Variants in CYP11A1 observed in about 807,000 individuals in gnomAD.
The protein encoded by CYP11A1 is cholesterol side-chain cleavage enzyme, mitochondrial.
In CYP11A1, 25 loss-of-function variants were observed where a neutral mutation model predicts 51.9. The observed-to-expected ratio is 0.48, with a 90% confidence interval of 0.35 to 0.67. The LOEUF is 0.67. Among genes scored for constraint, CYP11A1 ranks in the 30% least tolerant of loss-of-function variants. The pLI is 0.00. For synonymous variants in CYP11A1, 245 were observed against 262.1 expected (o/e 0.93, Z 0.63); for missense variants, 578 against 680.9 (o/e 0.85, Z 1.68).
chr15:74,346,851 A>C (rs1247480134), intron 2 of CYP11A1, among the ~76,000 whole-genome samples: 14 of 143,362 alleles, frequency 9.8e-5, no homozygotes, highest in Non-Finnish European at 1.5e-5. Flanking sequence ...CCCAGCCTGG[A>C]GTGCAGTGGT....
In CYP11A1 at chr15:74,348,040, G is replaced by C; in HGVS notation, c.285C>G (p.Asn95Lys). The change falls in exon 2 of 9, where the codon AAC becomes AAG. Residue 95 changes from asparagine to lysine, a missense_variant. By Grantham distance (94) the Asn-to-Lys change is moderately conservative. Coordinates refer to ENST00000268053, the MANE Select transcript of CYP11A1 (RefSeq NM_000781.3). ...GGTCGATGACATAAACCGACTCCAC[G>C]TTGCCGAGCTTCTCCCTGGAGGGGT... The part of the protein sequence containing the change: ...YGPIYREKLG[N>K]VESVYVIDPE... 1 of 1,614,156 alleles carries C rather than the reference G, an allele frequency of 6.2e-7. No homozygotes were observed. Among genetic ancestry groups the C allele is most frequent in the South Asian group, 1.1e-5 (1 of 91,078 alleles).
intron 1 of CYP11A1, among the ~76,000 whole-genome samples, chr15:74,353,899 T>C (rs2141241175): frequency 6.6e-6 from 1 of 152,352 alleles, no homozygotes; most frequent in South Asian, 2.1e-4. Context: ...CTACCTTTGT[T>C]GGGCCTGCAG....
At chr15:74,366,382 CG>C (rs2060733494) in intron 1 of CYP11A1, among the ~76,000 whole-genome samples, 1 of 149,916 alleles carries the variant, frequency 6.7e-6, no homozygotes, top group Admixed American at 6.7e-5. Context: ...CTCCTGGGTT[CG>C]GGCGAGTGTC....
At chr15:74,346,738 G>A (rs2060634608) in intron 2 of CYP11A1, among the ~76,000 whole-genome samples, 1 of 151,764 alleles carries the variant, frequency 6.6e-6, no homozygotes, top group African/African-American at 2.4e-5. Flanking sequence ...TAACAGATGA[G>A]AGCCCCAGTT....
At chr15:74,350,024 C>A in intron 1 of CYP11A1, 3 of 300,376 alleles carry the variant, frequency 1.0e-5, no homozygotes, top group Admixed American at 5.0e-5. Flanking sequence ...GAGATCTTTC[C>A]CCAGAAAAGT....
chr15:74,351,938 T>C (rs2060658260), intron 1 of CYP11A1, among the ~76,000 whole-genome samples: 1 of 152,218 alleles, frequency 6.6e-6, no homozygotes, highest in South Asian at 2.1e-4. Context: ...GGATTATCTG[T>C]TGGGGCAAAA....
chr15:74,351,596 AC>A (rs2141239789), intron 1 of CYP11A1, among the ~76,000 whole-genome samples: 1 of 152,182 alleles, frequency 6.6e-6, no homozygotes, highest in South Asian at 2.1e-4. Context: ...CTAAGATTGG[AC>A]CCCACAGGAG....
chr15:74,339,713 C>A lies in CYP11A1; in HGVS notation c.1031G>T (p.Arg344Leu). Residue 344 changes from arginine (R) to leucine (L), a missense_variant, in exon 6 of 9, where the codon CGC becomes CTC. By Grantham distance (102) the Arg-to-Leu change is moderately radical. Coordinates refer to ENST00000268053, the MANE Select transcript of CYP11A1 (RefSeq NM_000781.3). ...CAGCATATCCTGCACCTTCAGGTTG[C>A]GTGCCATCTCATACAAGTGCCACTG... is the stretch of plus-strand genomic sequence containing the variant. ...TLQWHLYEMA[R>L]NLKVQDMLRA... is the part of the protein sequence containing the mutation. 3 of 1,614,100 alleles carry A rather than the reference C, an allele frequency of 1.9e-6. No homozygotes were observed. Among genetic ancestry groups the A allele is most frequent in the Non-Finnish European group, 2.5e-6 (3 of 1,180,034 alleles).
At chr15:74,341,515 G>A (rs1375720115) in intron 5 of CYP11A1, among the ~76,000 whole-genome samples, 2 of 152,072 alleles carry the variant, frequency 1.3e-5, no homozygotes, top group African/African-American at 2.4e-5. Flanking sequence ...TGCAAGACAC[G>A]CACGTTGAAT....
intron 5 of CYP11A1, among the ~76,000 whole-genome samples, chr15:74,340,451 C>T (rs1006825460): frequency 2.0e-5 from 3 of 152,158 alleles, no homozygotes; most frequent in African/African-American, 7.2e-5. Context: ...CCTGGAGCAG[C>T]CCTCCCTCCT....
intron 1 of CYP11A1, 88 bp downstream of exon 1, chr15:74,367,229 G>C: frequency 7.0e-7 from 1 of 1,435,848 alleles, no homozygotes; most frequent in Non-Finnish European, 9.8e-7. Context: ...CCAGAGAACA[G>C]CCTGTTGGGG....
At chr15:74,343,190 A>C in intron 4 of CYP11A1, 53 bp from the exon 5 acceptor site, 1 of 1,597,210 alleles carries the variant, frequency 6.3e-7, no homozygotes, top group East Asian at 2.2e-5. Context: ...GGCGGGTGGG[A>C]AGGAGGGCAG....
chr15:74,365,844 C>T (rs952335217), intron 1 of CYP11A1: 35 of 985,540 alleles, frequency 3.6e-5, no homozygotes, highest in Non-Finnish European at 4.1e-5. Flanking sequence ...AAACGCATAC[C>T]GGGTCGCTCC....
chr15:74,343,034 C>T lies in CYP11A1; in HGVS notation c.933G>A (p.Met311Ile). The T allele has an allele frequency of 1.9e-6, 3 of 1,613,400 alleles. No individual in the cohort carries two copies. Among genetic ancestry groups the T allele is most frequent in the Non-Finnish European group, 2.5e-6 (3 of 1,180,048 alleles). The change falls in exon 5 of 9, where the codon ATG becomes ATA. Residue 311 changes from methionine to isoleucine, a missense_variant. By Grantham distance (10) the Met-to-Ile change is conservative. Transcript: ENST00000268053. ...ILYRLLGDSKMSFEDIKANVT... is the reference protein window; with the variant it reads ...ILYRLLGDSKISFEDIKANVT... Reference sequence around the variant, plus strand: ...CGTTGGCCTTGATGTCCTCGAAGGACATCTTGCTGTCTCCCAGGAGTCTGT... The same window carrying T: ...CGTTGGCCTTGATGTCCTCGAAGGATATCTTGCTGTCTCCCAGGAGTCTGT...
At chr15:74,342,633 G>A (rs1247035890) in intron 5 of CYP11A1, among the ~76,000 whole-genome samples, 1 of 152,156 alleles carries the variant, frequency 6.6e-6, no homozygotes, top group African/African-American at 2.4e-5. Flanking sequence ...GGAGCTGGGG[G>A]CATTGTCCTC....
Position 74,338,044 on chromosome 15 carries a change from GT to G in CYP11A1, c.1493del (p.Asn498ThrfsTer4). ...TGGGCTTTTCAGGCATCAGAATGAG[GT>G]TGAATGTGGTGCCCACATCGCTGAG... ...QHLSDVGTTF[N>X]LILMPEKPIS... On this transcript the variant is annotated frameshift_variant, in exon 9 of 9. Transcript: ENST00000268053. LOFTEE classifies it high-confidence loss of function. 1 of 1,614,212 alleles carries G rather than the reference GT, an allele frequency of 6.2e-7. No individual in the cohort carries two copies. The highest frequency in any genetic ancestry group is 8.5e-7 in the Non-Finnish European group (1 of 1,180,022).
intron 3 of CYP11A1, 68 bp downstream of exon 3, chr15:74,344,976 G>A (rs2141235103): frequency 1.4e-6 from 2 of 1,429,388 alleles, no homozygotes; most frequent in East Asian, 4.6e-5. Context: ...TGAACCTCAA[G>A]GTAAGAGAGT....
chr15:74,347,759 G>T, intron 2 of CYP11A1, 141 bp downstream of exon 2: 1 of 751,798 alleles, frequency 1.3e-6, no homozygotes, highest in Non-Finnish European at 2.2e-6. Flanking sequence ...TAGGGAGGCA[G>T]GAAAATGACG....
At chr15:74,351,446 C>G (rs868226666) in intron 1 of CYP11A1, among the ~76,000 whole-genome samples, 6 of 152,164 alleles carry the variant, frequency 3.9e-5, no homozygotes, top group South Asian at 2.1e-4. Flanking sequence ...TTATAGTGCT[C>G]AACTAGCTAA....
Sources: gnomAD v4.1 joint callset for allele counts (sites outside exome capture counted in the v4.1 genomes callset) on GRCh38, gnomAD v4.1.1 for gene constraint, MANE v1.5 for transcripts, NCBI Gene and HGNC (gene_info 2026-07-23, HGNC 2026-07-21) for gene names.